The following XYLT1 variants were observed in gnomAD, a reference collection of about 807,000 sequenced individuals.
XYLT1 encodes xylosyltransferase 1.
Under a neutral mutation model 91.3 loss-of-function variants are expected in XYLT1, and 36 were observed. That is an observed-to-expected ratio of 0.39 (90% CI 0.30 to 0.52). XYLT1 has a LOEUF of 0.52. Among genes scored for constraint, XYLT1 ranks in the 20% least tolerant of loss-of-function variants. XYLT1 has a pLI of 0.68. For missense variants in XYLT1, 1,242 were observed against 1,284.5 expected, an observed-to-expected ratio of 0.97 and a Z score of 0.51; for synonymous variants, 588 against 532.0, an observed-to-expected ratio of 1.11 and a Z score of -1.45.
At chr16:17,184,788 C>G (rs896247608) in intron 5 of XYLT1, among the ~76,000 whole-genome samples, 1 of 152,198 alleles carries the variant, frequency 6.6e-6, no homozygotes, top group Non-Finnish European at 1.5e-5. Flanking sequence ...CTATTCTCTG[C>G]TAGCCAAAGA....
chr16:17,310,069 A>C (rs1376776017), intron 2 of XYLT1, among the ~76,000 whole-genome samples: 2 of 152,186 alleles, frequency 1.3e-5, no homozygotes, highest in African/African-American at 4.8e-5. Flanking sequence ...GATTTCAGGA[A>C]TGAGCTGCAA....
At chr16:17,262,784 G>A (rs1476682751) in intron 2 of XYLT1, among the ~76,000 whole-genome samples, 3 of 152,146 alleles carry the variant, frequency 2.0e-5, no homozygotes, top group African/African-American at 7.2e-5. Context: ...AACCCTCAGT[G>A]TGCAGAAATT....
rs1454639117 is a variant in XYLT1, at chr16:17,312,621, C to T, written c.402+45391G>A. Among the ~76,000 whole-genome samples, 2 of 152,136 alleles carry T rather than the reference C, an allele frequency of 1.3e-5. No homozygotes were observed. The highest frequency in any genetic ancestry group is 4.8e-5 in the African/African-American group (2 of 41,422). ...CATCAGTACAATACTGTTAACGGGACTGCAGATTTTGTTTTTGTTTTCACC... is the reference window on the plus strand; with the variant it reads ...CATCAGTACAATACTGTTAACGGGATTGCAGATTTTGTTTTTGTTTTCACC... On this transcript the variant is annotated intron_variant, in intron 2 of 11. Coordinates refer to ENST00000261381, the MANE Select transcript of XYLT1 (RefSeq NM_022166.4). This position sits in a 1 kb window ranked among gnomAD's most constrained non-coding sequence, Gnocchi z 4.4.
chr16:17,287,133 G>A (rs2034153202), intron 2 of XYLT1, among the ~76,000 whole-genome samples: 2 of 152,026 alleles, frequency 1.3e-5, no homozygotes, highest in Admixed American at 6.6e-5. Context: ...ACAAGCATAC[G>A]CAGAAACACT....
chr16:17,179,300 G>A (rs2032013663), intron 5 of XYLT1, among the ~76,000 whole-genome samples: 1 of 152,132 alleles, frequency 6.6e-6, no homozygotes, highest in African/African-American at 2.4e-5. Context: ...GAATGATGCA[G>A]TAATTTGTAC....
chr16:17,142,728 C>T (rs1344818382), intron 6 of XYLT1, among the ~76,000 whole-genome samples: 2 of 151,902 alleles, frequency 1.3e-5, no homozygotes, highest in Non-Finnish European at 2.9e-5. Context: ...TAGGTGTAAG[C>T]CATTGCGCCT....
At chr16:17,128,698 T>C (rs967846688) in intron 9 of XYLT1, among the ~76,000 whole-genome samples, 3 of 152,182 alleles carry the variant, frequency 2.0e-5, no homozygotes, top group Non-Finnish European at 4.4e-5. Flanking sequence ...ATGCACGTCT[T>C]TGATCCACAA....
chr16:17,123,812 AGCCC>A (rs1438742025), intron 10 of XYLT1, among the ~76,000 whole-genome samples: 1 of 151,992 alleles, frequency 6.6e-6, no homozygotes, highest in African/African-American at 2.4e-5. Flanking sequence ...TTGTTTTGGG[AGCCC>A]CAGTGTTAGT....
chr16:17,265,248 T>C (rs2033787601), intron 2 of XYLT1, among the ~76,000 whole-genome samples: 1 of 152,066 alleles, frequency 6.6e-6, no homozygotes, highest in Non-Finnish European at 1.5e-5. Flanking sequence ...TATGTAAAAC[T>C]ACTAGAATAT....
rs2032801718 is a variant in XYLT1, at chr16:17,213,615, T to TCTTTC, written c.914-12962_914-12961insGAAAG. Among the ~76,000 whole-genome samples, 3 of 152,042 alleles carry TCTTTC rather than the reference T, an allele frequency of 2.0e-5. No homozygotes were observed. In the South Asian group the frequency reaches 6.2e-4, roughly 32 times the overall value. On this transcript the variant is annotated intron_variant, in intron 3 of 11. Transcript: ENST00000261381. ...GCTTCTATTGTATTGGAACAACCTT[T>TCTTTC]CTTTTCTTTTCTTTTTTTTTTGAGA...
chr16:17,240,612 G>A (rs191980544), intron 3 of XYLT1, among the ~76,000 whole-genome samples: 30 of 152,302 alleles, frequency 2.0e-4, no homozygotes, highest in South Asian at 4.1e-4. Context: ...TGAAATGTGA[G>A]AATGAGAACT....
intron 5 of XYLT1, among the ~76,000 whole-genome samples, chr16:17,161,981 A>G (rs957240131): frequency 6.6e-6 from 1 of 152,154 alleles, no homozygotes; most frequent in South Asian, 2.1e-4. Flanking sequence ...TCTTTTTCGA[A>G]ATGAATAAAA....
intron 2 of XYLT1, among the ~76,000 whole-genome samples, chr16:17,349,882 C>CT (rs201784273): frequency 7.0e-4 from 104 of 148,282 alleles, no homozygotes; most frequent in Middle Eastern, 3.5e-3. Context: ...CAAGAGTGAT[C>CT]TTTTTTTTTT....
chr16:17,426,091 T>C (rs765932655), intron 1 of XYLT1, among the ~76,000 whole-genome samples: 1 of 152,150 alleles, frequency 6.6e-6, no homozygotes, highest in African/African-American at 2.4e-5. Context: ...GTTTAACAAA[T>C]ATTCATGGAG....
At chr16:17,291,832 T>A (rs867408496) in intron 2 of XYLT1, among the ~76,000 whole-genome samples, 2 of 151,992 alleles carry the variant, frequency 1.3e-5, no homozygotes, top group Non-Finnish European at 2.9e-5. Context: ...GACCAAAAAT[T>A]AAACAGATAA....
chr16:17,327,732 C>T (rs1007945917), intron 2 of XYLT1, among the ~76,000 whole-genome samples: 5 of 151,542 alleles, frequency 3.3e-5, no homozygotes, highest in South Asian at 2.1e-4. Flanking sequence ...TTTATAACTA[C>T]GTCTTGGAAT....
chr16:17,210,474 G>A (rs2032736333), intron 3 of XYLT1, among the ~76,000 whole-genome samples: 1 of 152,200 alleles, frequency 6.6e-6, no homozygotes, highest in Non-Finnish European at 1.5e-5. Context: ...CTACTCAGGA[G>A]GCTGAGGCAG....
At chr16:17,235,019 T>C (rs775297176) in intron 3 of XYLT1, among the ~76,000 whole-genome samples, 11 of 152,192 alleles carry the variant, frequency 7.2e-5, no homozygotes, top group Non-Finnish European at 1.6e-4. Context: ...CTCCTGGTTA[T>C]TTTAATCATC....
At chr16:17,462,339 T>C (rs1472572235) in intron 1 of XYLT1, among the ~76,000 whole-genome samples, 1 of 151,938 alleles carries the variant, frequency 6.6e-6, no homozygotes, top group East Asian at 1.9e-4. Flanking sequence ...TCTGGCAGGG[T>C]GTCTGGGTTT....
Sources: gnomAD v4.1 joint callset for allele counts (sites outside exome capture counted in the v4.1 genomes callset) on GRCh38, gnomAD v4.1.1 for gene constraint, Gnocchi (gnomAD v3.1) non-coding constraint, MANE v1.5 for transcripts, NCBI Gene and HGNC (gene_info 2026-07-23, HGNC 2026-07-21) for gene names.